The following PCDH15 variants were observed in gnomAD, a reference collection of about 807,000 sequenced individuals.
PCDH15 encodes the protein protocadherin-15.
A neutral mutation model predicts 178.5 loss-of-function variants in PCDH15; 129 were observed. The ratio of observed to expected loss-of-function variants is 0.72; its 90% CI spans 0.63 to 0.84. The LOEUF is 0.84. PCDH15 is among the 40% of genes least tolerant of loss of function. The pLI, the probability that PCDH15 is intolerant of heterozygous loss-of-function variation, is 0.00. For missense variants in PCDH15, 2,230 were observed against 2,099.9 expected (o/e 1.06, Z -1.21); for synonymous variants, 800 against 732.0 (o/e 1.09, Z -1.50).
rs564640939 is a variant in PCDH15, at chr10:54,070,490, C to G, written c.2092-3605G>C. Among the ~76,000 whole-genome samples the G allele has an allele frequency of 2.6e-5, 4 of 152,204 alleles. No homozygotes were observed. The South Asian group carries it at 6.2e-4, about 24-fold the overall frequency. On this transcript the variant is annotated intron_variant, in intron 17 of 37. Coordinates refer to ENST00000644397, the MANE Select transcript of PCDH15 (RefSeq NM_001384140.1). Reference sequence around the variant, plus strand: ...AAGTGCTGGGATTACAGGCGTGAGCCATCGCACCCAGCTTACTGTTGTAAT... The same window carrying G: ...AAGTGCTGGGATTACAGGCGTGAGCGATCGCACCCAGCTTACTGTTGTAAT...
intron 21 of PCDH15, among the ~76,000 whole-genome samples, chr10:53,987,257 A>G (rs1047939542): frequency 1.3e-5 from 2 of 152,106 alleles, no homozygotes; most frequent in Non-Finnish European, 2.9e-5. Context: ...TATAGCTTTA[A>G]AGGGAAAAAC....
chr10:54,502,864 G>C (rs946476450), intron 3 of PCDH15, among the ~76,000 whole-genome samples: 1 of 151,930 alleles, frequency 6.6e-6, no homozygotes, highest in Non-Finnish European at 1.5e-5. Flanking sequence ...AGCTTTATGA[G>C]ATTGTAAATC....
At chr10:54,843,136 A>G (rs1953447406) in intron 3 of PCDH15, among the ~76,000 whole-genome samples, 1 of 151,926 alleles carries the variant, frequency 6.6e-6, no homozygotes, top group African/African-American at 2.4e-5. Context: ...AAAGCCCTTA[A>G]AAGTCAATCT....
intron 28 of PCDH15, among the ~76,000 whole-genome samples, chr10:53,851,660 A>G (rs1471762271): frequency 7.5e-6 from 1 of 132,988 alleles, no homozygotes; most frequent in African/African-American, 2.7e-5. Context: ...CCTTCTAATT[A>G]TCCTCCTAGA....
At chr10:55,475,686 T>C (rs1840049143) in intron 2 of PCDH15, among the ~76,000 whole-genome samples, 1 of 152,144 alleles carries the variant, frequency 6.6e-6, no homozygotes, top group African/African-American at 2.4e-5. Flanking sequence ...ATTTCGTGTT[T>C]AAACTTGGGT....
At chr10:54,846,672 G>A (rs920418292) in intron 3 of PCDH15, among the ~76,000 whole-genome samples, 1 of 152,036 alleles carries the variant, frequency 6.6e-6, no homozygotes, top group East Asian at 1.9e-4. Flanking sequence ...GGAAAGGAGA[G>A]CTGTGCAAGG....
chr10:54,675,079 A>T (rs1394893538), intron 1 of PCDH15, among the ~76,000 whole-genome samples: 1 of 152,042 alleles, frequency 6.6e-6, no homozygotes, highest in Non-Finnish European at 1.5e-5. Flanking sequence ...TCTTAGTGTC[A>T]ATGCTAATTG....
At chr10:54,970,088 G>C (rs142259740) in intron 2 of PCDH15, among the ~76,000 whole-genome samples, 90 of 152,300 alleles carry the variant, frequency 5.9e-4, no homozygotes, top group African/African-American at 1.8e-3. Context: ...TCCTGGATTG[G>C]ATTAGTACCT....
At chr10:54,120,184 G>A (rs1355185067) in intron 15 of PCDH15, among the ~76,000 whole-genome samples, 2 of 152,110 alleles carry the variant, frequency 1.3e-5, no homozygotes, top group African/African-American at 2.4e-5. Context: ...TTAAGCAAAT[G>A]AGAAGTAAAA....
chr10:54,551,794 A>G lies in PCDH15; in HGVS notation c.92-23917T>C, dbSNP rs941209511. The stretch of plus-strand genomic sequence containing the variant: ...ATTTACAGCTACCTCAAAAAATAGT[A>G]TGTATTCCTAAAATAATATAGTATA... On this transcript the variant is annotated intron_variant, in intron 2 of 37. Transcript: ENST00000644397. Among the ~76,000 whole-genome samples the G allele has an allele frequency of 7.2e-5, 11 of 152,172 alleles. No individual in the cohort carries two copies. In the East Asian group the frequency reaches 1.2e-3, roughly 16 times the overall value.
intron 2 of PCDH15, among the ~76,000 whole-genome samples, chr10:55,111,748 C>A (rs1837511172): frequency 1.3e-5 from 2 of 152,024 alleles, no homozygotes; most frequent in African/African-American, 4.8e-5. Flanking sequence ...GAGGCTGAGG[C>A]AGGAGAATTG....
chr10:54,569,979 G>GA, intron 2 of PCDH15, among the ~76,000 whole-genome samples: 1 of 152,152 alleles, frequency 6.6e-6, no homozygotes, highest in East Asian at 1.9e-4. Context: ...ACCTCTAGAG[G>GA]AGGGCTACAT....
At chr10:55,166,068 A>G (rs1345128610) in intron 2 of PCDH15, among the ~76,000 whole-genome samples, 1 of 152,104 alleles carries the variant, frequency 6.6e-6, no homozygotes, top group Non-Finnish European at 1.5e-5. Flanking sequence ...TTGAAGCACA[A>G]GCCTCACTTC....
At chr10:54,720,582 A>C (rs937046768) in intron 1 of PCDH15, among the ~76,000 whole-genome samples, 8 of 152,106 alleles carry the variant, frequency 5.3e-5, no homozygotes, top group African/African-American at 1.9e-4. Flanking sequence ...TGAAGATGAA[A>C]TAGTCTTTCC....
chr10:53,917,936 C>T (rs2083664063), intron 25 of PCDH15, among the ~76,000 whole-genome samples: 1 of 152,074 alleles, frequency 6.6e-6, no homozygotes, highest in African/African-American at 2.4e-5. Context: ...CCTGCTCTGG[C>T]CATATAACGC....
intron 2 of PCDH15, among the ~76,000 whole-genome samples, chr10:55,477,609 C>A (rs578050934): frequency 2.0e-5 from 3 of 151,976 alleles, no homozygotes; most frequent in South Asian, 4.1e-4. Flanking sequence ...GTGCTTGGCA[C>A]AAACACTTGT....
At chr10:54,804,383 G>A (rs1053161696), upstream of PCDH15, among the ~76,000 whole-genome samples, 6 of 152,142 alleles carry the variant, frequency 3.9e-5, no homozygotes, top group African/African-American at 1.4e-4. Flanking sequence ...TACATTCCCT[G>A]TTAATAACTG....
chr10:55,582,614 A>ATTTTTTT (rs1433568928), intron 2 of PCDH15, among the ~76,000 whole-genome samples: 1 of 88,678 alleles, frequency 1.1e-5, no homozygotes, highest in Non-Finnish European at 2.0e-5. Context: ...ATATATATAT[A>ATTTTTTT]TATATATATA....
At chr10:54,488,797 T>A (rs1159183427) in intron 3 of PCDH15, among the ~76,000 whole-genome samples, 1 of 151,938 alleles carries the variant, frequency 6.6e-6, no homozygotes. Context: ...AATTTAATTA[T>A]CTTAGATTAT....
Sources: allele counts gnomAD v4.1 joint callset (sites outside exome capture counted in the v4.1 genomes callset), GRCh38; gene constraint gnomAD v4.1.1; transcripts MANE v1.5; gene names NCBI Gene and HGNC (gene_info 2026-07-23, HGNC 2026-07-21).